Variants in QRICH2 observed in about 807,000 individuals in gnomAD.
The protein encoded by QRICH2 is glutamine-rich protein 2.
QRICH2 carries 119 observed loss-of-function variants against 168.3 expected under a neutral mutation model. The observed-to-expected ratio is 0.71, with a 90% CI of 0.61 to 0.82. The LOEUF is 0.82. Among genes scored for constraint, QRICH2 ranks in the 40% least tolerant of loss-of-function variants. QRICH2 has a pLI of 0.00. For synonymous variants in QRICH2, 894 were observed against 951.2 expected (o/e 0.94, Z 1.11); for missense variants, 2,241 against 2,491.6 (o/e 0.90, Z 2.14).
Position 76,290,090 on chromosome 17 carries a change from G to A in QRICH2, c.3713-13C>T. Reference sequence around the variant, plus strand: ...ATGGTCCTTTTGACTATGGAAAGCAGAAGCCTTATGATCAGAGGGGTTAGA... The same window carrying A: ...ATGGTCCTTTTGACTATGGAAAGCAAAAGCCTTATGATCAGAGGGGTTAGA... On this transcript the variant is annotated splice_polypyrimidine_tract_variant and intron_variant, in intron 4 of 18. Coordinates refer to ENST00000680821, the MANE Select transcript of QRICH2 (RefSeq NM_001388453.1). 1 of 1,603,210 alleles carries A rather than the reference G, an allele frequency of 6.2e-7. No homozygotes were observed. Among genetic ancestry groups the A allele is most frequent in the East Asian group, 2.2e-5 (1 of 44,656 alleles).
intron 7 of QRICH2, among the ~76,000 whole-genome samples, chr17:76,285,379 G>C (rs914532073): frequency 1.3e-5 from 2 of 151,406 alleles, no homozygotes; most frequent in Admixed American, 6.6e-5. Context: ...TGATCCACCC[G>C]TCTGGGCCTC....
chr17:76,276,026 G>T, intron 17 of QRICH2, 79 bp from the exon 18 acceptor site: 1 of 1,536,744 alleles, frequency 6.5e-7, no homozygotes, highest in Non-Finnish European at 8.8e-7. Context: ...GTGGGGAGAG[G>T]GCCGCAGGGC....
rs758663894 is a variant in QRICH2, at chr17:76,287,879, T to C, written c.3817A>G (p.Ile1273Val). The change falls in exon 6 of 19, where the codon ATC (isoleucine) becomes GTC (valine). Residue 1273 changes from isoleucine (I) to valine (V), a missense_variant. Ile to Val is a conservative substitution (Grantham distance 29, BLOSUM62 3). Coordinates refer to ENST00000680821, the MANE Select transcript of QRICH2 (RefSeq NM_001388453.1). Reference sequence around the variant, plus strand: ...TCTTGATTCCCTTCCCCTTCCAGGATCCTCTGCAGCCTTTCCACCTACAAA... The same window carrying C: ...TCTTGATTCCCTTCCCCTTCCAGGACCCTCTGCAGCCTTTCCACCTACAAA... ...EKAKVERLQR[I>V]LEGEGNQEAG... 1.2e-6 allele frequency: 2 copies of C among 1,614,026 alleles called. No homozygotes were observed. Among genetic ancestry groups the C allele is most frequent in the Non-Finnish European group, 1.7e-6 (2 of 1,179,960 alleles).
rs964583684 is a variant in QRICH2 at position 76,274,364 on chromosome 17, C to A, written c.5483-104G>T. Reference sequence around the variant, plus strand: ...GGGAGGTTGAGAGCAGTTCTGTTCGCCATGCTGGGCTGACACAGGCTGGAG... The same window carrying A: ...GGGAGGTTGAGAGCAGTTCTGTTCGACATGCTGGGCTGACACAGGCTGGAG... On this transcript the variant is annotated intron_variant, in intron 18 of 18. Coordinates refer to ENST00000680821, the MANE Select transcript of QRICH2 (RefSeq NM_001388453.1). 11 of 1,217,882 alleles carry A rather than the reference C, an allele frequency of 9.0e-6. No individual in the cohort carries two copies. The African/African-American group carries it at 9.5e-5, about 11-fold the overall frequency. 75.4% of individuals were successfully genotyped at this position (1,217,882 alleles called of 1,614,324 possible).
Position 76,293,482 on chromosome 17 carries a change from GAGGGGT to G in QRICH2, c.1239_1244del (p.Pro414_Leu415del). Reference sequence around the variant, plus strand: ...GTGGCACACCAAGCTGACCCATGCTGAGGGGTACCACACCATGTGGGTAAGTGCTAG... The same window carrying G: ...GTGGCACACCAAGCTGACCCATGCTGACCACACCATGTGGGTAAGTGCTAG... On this transcript the variant is annotated inframe_deletion, in exon 4 of 19. Transcript: ENST00000680821. The G allele has an allele frequency of 6.2e-7, 1 of 1,614,218 alleles. No homozygotes were observed.
Position 76,287,810 on chromosome 17 carries a change from C to T in QRICH2, c.3886G>A (p.Gly1296Ser). ...GCTGGGGCATTTTACCTGAGGACACCCAGCTGCAATCTCAGCTCTCCAGCT... is the reference window on the plus strand; with the variant it reads ...GCTGGGGCATTTTACCTGAGGACACTCAGCTGCAATCTCAGCTCTCCAGCT... ...LKAGELRLQL[G>S]VLRVTVADIE... is the part of the protein sequence containing the mutation. The change falls in exon 6 of 19, where the codon GGT (glycine) becomes AGT (serine). Residue 1296 changes from glycine (G) to serine (S), a missense_variant. Around this residue, in one of 3 missense-constraint regions of QRICH2, gnomAD observed 2,047 missense variants for 2,303.8 expected, o/e 0.89. Transcript: ENST00000680821. 2 of 1,612,886 alleles carry T rather than the reference C, an allele frequency of 1.2e-6. No individual in the cohort carries two copies. The highest frequency in any genetic ancestry group is 1.7e-6 in the Non-Finnish European group (2 of 1,178,914).
At chr17:76,299,177 GC>G (rs2070855094) in intron 3 of QRICH2, among the ~76,000 whole-genome samples, 1 of 152,030 alleles carries the variant, frequency 6.6e-6, no homozygotes, top group African/African-American at 2.4e-5. Context: ...TGTTCAAATG[GC>G]CCTCAAAGAT....
In QRICH2 at chr17:76,277,984, T is replaced by C. The variant is rs2070718262; in HGVS notation, c.5117+5A>G. 1 of 1,609,970 alleles carries C rather than the reference T, an allele frequency of 6.2e-7. No individual in the cohort carries two copies. The highest frequency in any genetic ancestry group is 1.3e-5 in the African/African-American group (1 of 74,950). ...CTCCCATGGCCTCGCCCGCCTCTCCTGTACCGTTTGTAGCAGGGGGAGCCC... is the reference window on the plus strand; with the variant it reads ...CTCCCATGGCCTCGCCCGCCTCTCCCGTACCGTTTGTAGCAGGGGGAGCCC... On this transcript the variant is annotated splice_donor_5th_base_variant and intron_variant, in intron 15 of 18. Coordinates refer to ENST00000680821, the MANE Select transcript of QRICH2 (RefSeq NM_001388453.1).
At chr17:76,287,599 C>G (rs2070914422) in intron 6 of QRICH2, among the ~76,000 whole-genome samples, 1 of 152,162 alleles carries the variant, frequency 6.6e-6, no homozygotes, top group Non-Finnish European at 1.5e-5. Context: ...TTTCCAAGAC[C>G]TGGTCCTGAG....
rs187492947 is a variant in QRICH2 at position 76,277,427 on chromosome 17, C to T, written c.5118-117G>A. 1.2e-5 allele frequency: 15 copies of T among 1,265,726 alleles called. 1 individual carries two copies. Among genetic ancestry groups the T allele is most frequent in the South Asian group, 9.5e-5 (7 of 73,428 alleles). The allele number at this position is 1,265,726 out of a possible 1,614,324, so 78.4% of individuals were successfully genotyped here. On this transcript the variant is annotated intron_variant, in intron 15 of 18. Transcript: ENST00000680821. Reference sequence around the variant, plus strand: ...GGCACAGCTTCTCTTCGGGGGCTGCCGGGAGGCTGAGCAGCAGGGGCCCAG... The same window carrying T: ...GGCACAGCTTCTCTTCGGGGGCTGCTGGGAGGCTGAGCAGCAGGGGCCCAG...
At chr17:76,282,224 G>C in intron 7 of QRICH2, 109 bp from the exon 8 acceptor site, 1 of 1,382,350 alleles carries the variant, frequency 7.2e-7, no homozygotes, top group Non-Finnish European at 9.6e-7. Flanking sequence ...GTCGTGCCCT[G>C]GGCAGTTGCT....
chr17:76,307,165 G>A lies in QRICH2; in HGVS notation c.534+300C>T, dbSNP rs771313420. Reference sequence around the variant, plus strand: ...CGTAAACAGGGGCTAGGAAGGAGGGGGTGGGATGGGGCCACTACACTTAGG... The same window carrying A: ...CGTAAACAGGGGCTAGGAAGGAGGGAGTGGGATGGGGCCACTACACTTAGG... On this transcript the variant is annotated intron_variant, in intron 1 of 18. Coordinates refer to ENST00000680821, the MANE Select transcript of QRICH2 (RefSeq NM_001388453.1). The surrounding 1 kb of genome is among the most constrained non-coding windows in gnomAD (Gnocchi z 5.3). Among the ~76,000 whole-genome samples the A allele has an allele frequency of 2.0e-5, 3 of 152,170 alleles. No individual in the cohort carries two copies. Among genetic ancestry groups the A allele is most frequent in the Non-Finnish European group, 4.4e-5 (3 of 68,010 alleles).
chr17:76,300,441 C>G (rs2070879465), intron 3 of QRICH2, among the ~76,000 whole-genome samples: 1 of 152,114 alleles, frequency 6.6e-6, no homozygotes, highest in Non-Finnish European at 1.5e-5. Context: ...CCACTAGCCC[C>G]AGGTAAGCAC....
At position 76,307,903 on chromosome 17, in the gene QRICH2, CGT is replaced by C; in HGVS notation, c.94_95del (p.Thr32AlafsTer109). 6 of 1,262,396 alleles carry C rather than the reference CGT, an allele frequency of 4.8e-6. No homozygotes were observed. The highest frequency in any genetic ancestry group is 6.0e-6 in the Non-Finnish European group (6 of 1,005,570). 78.2% of individuals were successfully genotyped at this position (1,262,396 alleles called of 1,614,324 possible). A position where few individuals can be genotyped will look rare whatever the true frequency, so the allele number is the denominator to read the frequency against. On this transcript the variant is annotated frameshift_variant, in exon 1 of 19. Transcript: ENST00000680821. LOFTEE classifies it high-confidence loss of function. The surrounding 1 kb of genome is among the most constrained non-coding windows in gnomAD (Gnocchi z 5.3). ...GGTTCTTGAGCATGGCCACGATGAG[CGT>C]GTGCAGGGCCGTGAAGTTGACGGCG... ...VGAVNFTALH[T>X]LIVAMLKNLD...
rs562521457 is a variant in QRICH2, at chr17:76,288,426, C to T, written c.3799-529G>A. Among the ~76,000 whole-genome samples, 46 of 142,362 alleles carry T rather than the reference C, an allele frequency of 3.2e-4. 2 individuals carry two copies. The highest frequency in any genetic ancestry group is 1.0e-3 in the African/African-American group (39 of 37,240). The allele number at this position is 142,362 out of a possible 152,430, so 93.4% of individuals were successfully genotyped here. A position where few individuals can be genotyped will look rare whatever the true frequency, so the allele number is the denominator to read the frequency against. ...AAAAAAAAAAAAGGAATGACTGGGC[C>T]GGGCGTGGTGGATCACACCTGTAAT... On this transcript the variant is annotated intron_variant, in intron 5 of 18. Transcript: ENST00000680821.
In QRICH2 at chr17:76,277,994, G is replaced by C. The variant is rs770382841; in HGVS notation, c.5112C>G (p.Tyr1704Ter). The change falls in exon 15 of 19, where the codon TAC becomes TAG. Residue 1704 changes from tyrosine to a stop codon, truncating the protein, a stop_gained. Coordinates refer to ENST00000680821, the MANE Select transcript of QRICH2 (RefSeq NM_001388453.1). LOFTEE classifies it high-confidence loss of function. The stretch of plus-strand genomic sequence containing the variant: ...CTCGCCCGCCTCTCCTGTACCGTTT[G>C]TAGCAGGGGGAGCCCAGGCACTGGG... ...LHAQCLGSPC[Y>*]KRVTDMADYT... 6.2e-7 allele frequency: 1 copy of C among 1,611,314 alleles called. No homozygotes were observed. Among genetic ancestry groups the C allele is most frequent in the Non-Finnish European group, 8.5e-7 (1 of 1,180,024 alleles).
In QRICH2 at chr17:76,291,290, T is replaced by C. The variant is rs755625651; in HGVS notation, c.3437A>G (p.Lys1146Arg). Residue 1146 changes from lysine to arginine, a missense_variant, in exon 4 of 19, where the codon AAG becomes AGG. Transcript: ENST00000680821. Reference protein sequence around the residue: ...ASDRHGIPAQKAPGQDVTLFR... With the variant: ...ASDRHGIPAQRAPGQDVTLFR... Reference sequence around the variant, plus strand: ...AAGAGTGACATCTTGGCCTGGGGCCTTCTGGGCAGGAATTCCATGTCGGTC... The same window carrying C: ...AAGAGTGACATCTTGGCCTGGGGCCCTCTGGGCAGGAATTCCATGTCGGTC... 3 of 1,614,176 alleles carry C rather than the reference T, an allele frequency of 1.9e-6. No individual in the cohort carries two copies. The South Asian group carries it at 3.3e-5, about 18-fold the overall frequency.
chr17:76,288,043 C>G (rs747125478), intron 5 of QRICH2, 146 bp from the exon 6 acceptor site: 6 of 645,128 alleles, frequency 9.3e-6, no homozygotes. Flanking sequence ...TTGTGGACAT[C>G]CATCCGCCCA....
Position 76,277,999 on chromosome 17 carries a change from A to G in QRICH2, c.5107T>C (p.Cys1703Arg), listed in dbSNP as rs572167318. ...CCGCCTCTCCTGTACCGTTTGTAGC[A>G]GGGGGAGCCCAGGCACTGGGCGTGC... ...LLHAQCLGSP[C>R]YKRVTDMADY... Residue 1703 changes from cysteine to arginine, a missense_variant, in exon 15 of 19, where the codon TGC (cysteine) becomes CGC (arginine). By Grantham distance (180) the Cys-to-Arg change is radical (BLOSUM62 -3). This residue lies in a region of QRICH2 where 2,047 missense variants were observed against 2,303.8 expected (regional missense o/e 0.89). Coordinates refer to ENST00000680821, the MANE Select transcript of QRICH2 (RefSeq NM_001388453.1). 2 of 1,611,994 alleles carry G rather than the reference A, an allele frequency of 1.2e-6. No individual in the cohort carries two copies. The highest frequency in any genetic ancestry group is 3.3e-5 in the Admixed American group (2 of 60,034).
Sources: allele counts gnomAD v4.1 joint callset (sites outside exome capture counted in the v4.1 genomes callset), GRCh38; gene constraint gnomAD v4.1.1; regional missense constraint gnomAD v4.1.1; non-coding constraint Gnocchi (gnomAD v3.1); transcripts MANE v1.5; gene names NCBI Gene and HGNC (gene_info 2026-07-23, HGNC 2026-07-21).